Variants in SLCO3A1 observed in about 807,000 individuals in gnomAD.
The protein encoded by SLCO3A1 is solute carrier organic anion transporter family member 3A1, also known as PGE1 transporter.
Under a neutral mutation model 63.1 loss-of-function variants are expected in SLCO3A1, and 27 were observed. That is an observed-to-expected ratio of 0.43 (90% confidence interval 0.32 to 0.59). SLCO3A1 has a LOEUF of 0.59. SLCO3A1 is among the 20% of genes least tolerant of loss of function. The probability of loss-of-function intolerance (pLI) is 0.09; values close to 1 mark genes in which losing one functional copy is unlikely to be tolerated. For missense variants in SLCO3A1, 773 were observed against 945.8 expected (o/e 0.82, Z 2.40); for synonymous variants, 473 against 409.9 (o/e 1.15, Z -1.86).
intron 7 of SLCO3A1, among the ~76,000 whole-genome samples, chr15:92,146,539 C>T (rs2048225911): frequency 6.6e-6 from 1 of 152,130 alleles, no homozygotes. Flanking sequence ...TTGGGCACTC[C>T]ACCAGCAACA....
chr15:92,054,610 C>G (rs2047000161), intron 2 of SLCO3A1, among the ~76,000 whole-genome samples: 3 of 152,028 alleles, frequency 2.0e-5, no homozygotes. Context: ...CTCCACCCAC[C>G]CCCGCCCACA....
chr15:91,921,541 A>G (rs1898845212), intron 2 of SLCO3A1, among the ~76,000 whole-genome samples: 1 of 152,140 alleles, frequency 6.6e-6, no homozygotes, highest in Non-Finnish European at 1.5e-5. Context: ...GGAATTGATG[A>G]TATAGTTTTT....
rs915923498 is a variant in SLCO3A1, at chr15:92,133,694, C to T, written c.1512+5205C>T. Among the ~76,000 whole-genome samples the T allele has an allele frequency of 2.7e-4, 40 of 145,614 alleles. 5 individuals are homozygous for T. The highest frequency in any genetic ancestry group is 4.6e-5 in the Non-Finnish European group (3 of 64,964). On this transcript the variant is annotated intron_variant, in intron 7 of 9. Coordinates refer to ENST00000318445, the MANE Select transcript of SLCO3A1 (RefSeq NM_013272.4). ...GATCTGTCATTGTCTCCCATCATCCCTAGATGGGACCGTCTAGTTACAGGA... is the reference window on the plus strand; with the variant it reads ...GATCTGTCATTGTCTCCCATCATCCTTAGATGGGACCGTCTAGTTACAGGA...
chr15:92,047,812 C>G (rs998726950), intron 2 of SLCO3A1, among the ~76,000 whole-genome samples: 2 of 150,606 alleles, frequency 1.3e-5, no homozygotes, highest in Non-Finnish European at 2.9e-5. Flanking sequence ...GGGCTTGAGC[C>G]TCTTCCTGCT....
At chr15:92,121,055 C>G (rs537221491) in intron 5 of SLCO3A1, among the ~76,000 whole-genome samples, 1 of 152,286 alleles carries the variant, frequency 6.6e-6, no homozygotes, top group African/African-American at 2.4e-5. Flanking sequence ...CCTCCCTGTG[C>G]CCACAACAGA....
At chr15:92,029,707 A>C (rs926652994) in intron 2 of SLCO3A1, among the ~76,000 whole-genome samples, 95 of 151,460 alleles carry the variant, frequency 6.3e-4, no homozygotes, top group African/African-American at 2.2e-3. Flanking sequence ...TCGCGCTGAC[A>C]CTGTGTAAAT....
rs371927201 is a variant in SLCO3A1 at position 91,868,533 on chromosome 15, C to T, written c.180+14445C>T. Among the ~76,000 whole-genome samples the T allele has an allele frequency of 3.0e-4, 46 of 152,238 alleles. No individual in the cohort carries two copies. The East Asian group carries it at 4.2e-3, about 14-fold the overall frequency. On this transcript the variant is annotated intron_variant, in intron 1 of 9. Coordinates refer to ENST00000318445, the MANE Select transcript of SLCO3A1 (RefSeq NM_013272.4). ...ATTTTGGCGTGAGTCCTTTAAGTCTCTCTCCGTCTACCTGCATTGATGCGT... is the reference window on the plus strand; with the variant it reads ...ATTTTGGCGTGAGTCCTTTAAGTCTTTCTCCGTCTACCTGCATTGATGCGT...
rs1899898612 is a variant in SLCO3A1 at position 91,948,844 on chromosome 15, T to C, written c.646+32386T>C. Among the ~76,000 whole-genome samples, 1 of 152,086 alleles carries C rather than the reference T, an allele frequency of 6.6e-6. No individual in the cohort carries two copies. Among genetic ancestry groups the C allele is most frequent in the African/African-American group, 2.4e-5 (1 of 41,428 alleles). On this transcript the variant is annotated intron_variant, in intron 2 of 9. Coordinates refer to ENST00000318445, the MANE Select transcript of SLCO3A1 (RefSeq NM_013272.4). This position sits in a 1 kb window ranked among gnomAD's most constrained non-coding sequence, Gnocchi z 4.8. ...TGTGCCAGCCTCCTTGCCAAGTGTC[T>C]CAGAGCCTGCAGAGCACCATCCATC...
At chr15:91,959,973 A>G (rs1327212099) in intron 2 of SLCO3A1, among the ~76,000 whole-genome samples, 1 of 151,968 alleles carries the variant, frequency 6.6e-6, no homozygotes, top group Admixed American at 6.6e-5. Flanking sequence ...ACAGAATCAT[A>G]CAATATGTGG....
chr15:92,120,392 G>T, intron 4 of SLCO3A1, 73 bp from the exon 5 acceptor site: 1 of 1,492,748 alleles, frequency 6.7e-7, no homozygotes, highest in Non-Finnish European at 9.2e-7. Flanking sequence ...GGGGCCTTAG[G>T]AGCAGGGAGC....
At chr15:91,963,385 G>A (rs573068984) in intron 2 of SLCO3A1, among the ~76,000 whole-genome samples, 8 of 120,762 alleles carry the variant, frequency 6.6e-5, no homozygotes, top group Admixed American at 1.9e-4. Context: ...TTTCTCTCTC[G>A]TGAGGGTTTA....
chr15:92,057,439 C>T (rs1020548837), intron 2 of SLCO3A1, among the ~76,000 whole-genome samples: 2 of 152,220 alleles, frequency 1.3e-5, no homozygotes, highest in Admixed American at 6.5e-5. Context: ...GCATCACACA[C>T]AGTCCTTGGA....
At chr15:92,064,234 G>C (rs1275158282) in intron 2 of SLCO3A1, among the ~76,000 whole-genome samples, 3 of 152,208 alleles carry the variant, frequency 2.0e-5, no homozygotes, top group Non-Finnish European at 2.9e-5. Flanking sequence ...CAGAGCGTAA[G>C]AGGTAGTTGG....
chr15:92,126,326 A>C (rs2047922918), intron 6 of SLCO3A1, 67 bp downstream of exon 6: 2 of 1,353,716 alleles, frequency 1.5e-6, no homozygotes, highest in Non-Finnish European at 2.1e-6. Flanking sequence ...CCTCTGCAGT[A>C]GGTTGAGGGA....
chr15:92,035,936 G>A (rs1412127091), intron 2 of SLCO3A1, among the ~76,000 whole-genome samples: 1 of 151,856 alleles, frequency 6.6e-6, no homozygotes, highest in African/African-American at 2.4e-5. Context: ...CAAGGAAGGG[G>A]TCTCATGCAC....
intron 1 of SLCO3A1, among the ~76,000 whole-genome samples, chr15:91,866,575 TAA>T (rs1191215854): frequency 9.3e-5 from 13 of 139,862 alleles, no homozygotes; most frequent in Non-Finnish European, 9.5e-5. Flanking sequence ...CTCCTTTTTT[TAA>T]AAAAAAAAAA....
intron 2 of SLCO3A1, among the ~76,000 whole-genome samples, chr15:92,022,626 C>T (rs1348853348): frequency 6.6e-6 from 1 of 152,176 alleles, no homozygotes; most frequent in African/African-American, 2.4e-5. Context: ...CTCATTTTGC[C>T]TCTCTGAAAC....
chr15:92,068,437 T>C (rs1019135027), intron 2 of SLCO3A1, among the ~76,000 whole-genome samples: 3 of 151,922 alleles, frequency 2.0e-5, no homozygotes, highest in Non-Finnish European at 4.4e-5. Flanking sequence ...TTCAGCGCTA[T>C]AACTAAATTC....
intron 2 of SLCO3A1, among the ~76,000 whole-genome samples, chr15:91,962,565 A>C (rs1900490255): frequency 6.6e-6 from 1 of 151,872 alleles, no homozygotes; most frequent in African/African-American, 2.4e-5. Flanking sequence ...GCCAAACAGC[A>C]ATGGGAGAGA....
Sources: gnomAD v4.1 joint callset for allele counts (sites outside exome capture counted in the v4.1 genomes callset) on GRCh38, gnomAD v4.1.1 for gene constraint, Gnocchi (gnomAD v3.1) non-coding constraint, MANE v1.5 for transcripts, NCBI Gene and HGNC (gene_info 2026-07-23, HGNC 2026-07-21) for gene names.